Variants in RNPEPL1 observed in about 807,000 individuals in gnomAD.
The protein encoded by RNPEPL1 is arginyl aminopeptidase like 1.
A neutral mutation model predicts 69.0 loss-of-function variants in RNPEPL1; 46 were observed. The observed-to-expected ratio is 0.67, with a 90% CI of 0.53 to 0.85. RNPEPL1 has a LOEUF of 0.85. Among genes scored for constraint, RNPEPL1 ranks in the 40% least tolerant of loss-of-function variants. The pLI is 0.00. For synonymous variants in RNPEPL1, 525 were observed against 454.1 expected (o/e 1.16, Z -1.98); for missense variants, 869 against 992.5 (o/e 0.88, Z 1.67).
rs369726161 is a variant in RNPEPL1, at chr2:240,573,048, C to T, written c.670-62C>T. ...ATATGGGGCTGCCTGACAGGCTCCCCGGCCGGGGCTATGGGTGTGCTGACG... is the reference window on the plus strand; with the variant it reads ...ATATGGGGCTGCCTGACAGGCTCCCTGGCCGGGGCTATGGGTGTGCTGACG... On this transcript the variant is annotated intron_variant, in intron 2 of 10. Transcript: ENST00000270357. 3.2e-4 allele frequency: 482 copies of T among 1,485,562 alleles called. 1 individual carries two copies. Among genetic ancestry groups the T allele is most frequent in the African/African-American group, 2.7e-3 (197 of 71,676 alleles). The allele number at this position is 1,485,562 out of a possible 1,614,324, so 92.0% of individuals were successfully genotyped here.
Position 240,568,862 on chromosome 2 carries a change from C to T in RNPEPL1, c.276C>T (p.Arg92=). The part of the protein sequence containing the change: ...ALRLHSAAFR[R]APAAAAETPC... Reference sequence around the variant, plus strand: ...GCCTGCACTCAGCCGCCTTCCGTCGCGCCCCCGCCGCCGCCGCCGAGACGC... The same window carrying T: ...GCCTGCACTCAGCCGCCTTCCGTCGTGCCCCCGCCGCCGCCGCCGAGACGC... The change falls in exon 1 of 11, where the codon CGC becomes CGT. Residue 92 remains arginine, a synonymous_variant. Coordinates refer to ENST00000270357, the MANE Select transcript of RNPEPL1 (RefSeq NM_018226.6). This position sits in a 1 kb window ranked among gnomAD's most constrained non-coding sequence, Gnocchi z 6.2. 8.3e-7 allele frequency: 1 copy of T among 1,201,094 alleles called. No individual in the cohort carries two copies. Among genetic ancestry groups the T allele is most frequent in the Non-Finnish European group, 1.0e-6 (1 of 963,802 alleles). 74.4% of individuals were successfully genotyped at this position (1,201,094 alleles called of 1,614,324 possible).
chr2:240,578,124 G>T lies in RNPEPL1; in HGVS notation c.*232G>T, dbSNP rs976293477. 2.3e-6 allele frequency: 1 copy of T among 439,234 alleles called. No individual in the cohort carries two copies. The highest frequency in any genetic ancestry group is 4.0e-6 in the Non-Finnish European group (1 of 247,618). The allele number at this position is 439,234 out of a possible 1,614,324, so 27.2% of individuals were successfully genotyped here. On this transcript the variant is annotated 3_prime_UTR_variant, in exon 11 of 11. Coordinates refer to ENST00000270357, the MANE Select transcript of RNPEPL1 (RefSeq NM_018226.6). ...AGCTCTCTTGCACTGCAGGCCCTGGGGCCAGCCCGCACACACCATGCCTCC... is the reference window on the plus strand; with the variant it reads ...AGCTCTCTTGCACTGCAGGCCCTGGTGCCAGCCCGCACACACCATGCCTCC...
Position 240,574,303 on chromosome 2 carries a change from G to A in RNPEPL1, c.1129G>A (p.Gly377Ser). The change falls in exon 5 of 11, where the codon GGC becomes AGC. Residue 377 changes from glycine (G) to serine (S), a missense_variant. Gly to Ser is a moderately conservative substitution (Grantham distance 56). Coordinates refer to ENST00000270357, the MANE Select transcript of RNPEPL1 (RefSeq NM_018226.6). The stretch of plus-strand genomic sequence containing the variant: ...GTGGGAAGAGATGTGGCTGAGCGAG[G>A]GCCTGGCCACCTATGCCCAGCGCCG... ...ATWEEMWLSE[G>S]LATYAQRRIT... is the part of the protein sequence containing the mutation. 1 of 1,606,476 alleles carries A rather than the reference G, an allele frequency of 6.2e-7. No individual in the cohort carries two copies. Among genetic ancestry groups the A allele is most frequent in the Non-Finnish European group, 8.5e-7 (1 of 1,179,796 alleles).
chr2:240,578,219 G>A lies in RNPEPL1; in HGVS notation c.*327G>A. ...TGCCAGGTGCCGCCCCGGGGCAAGGGCCCCAGCAGCCCTATGGTGACCGCC... is the reference window on the plus strand; with the variant it reads ...TGCCAGGTGCCGCCCCGGGGCAAGGACCCCAGCAGCCCTATGGTGACCGCC... On this transcript the variant is annotated 3_prime_UTR_variant, in exon 11 of 11. Coordinates refer to ENST00000270357, the MANE Select transcript of RNPEPL1 (RefSeq NM_018226.6). 1 of 252,682 alleles carries A rather than the reference G, an allele frequency of 4.0e-6. No individual in the cohort carries two copies. 15.7% of individuals were successfully genotyped at this position (252,682 alleles called of 1,614,324 possible).
At chr2:240,569,226 C>G (rs1471050441) in intron 1 of RNPEPL1, 112 bp downstream of exon 1, 1 of 1,136,488 alleles carries the variant, frequency 8.8e-7, no homozygotes, top group Non-Finnish European at 1.1e-6. Context: ...CAGGTGCCCC[C>G]CTCCCCCCAC....
chr2:240,575,039 C>T lies in RNPEPL1; in HGVS notation c.1298C>T (p.Pro433Leu). Residue 433 changes from proline (P) to leucine (L), a missense_variant, in exon 7 of 11, where the codon CCC becomes CTC. Transcript: ENST00000270357. ...LQVKLEPGVN[P>L]SHLMNLFTYE... ...GGTGTTCACCTTGCAGGAGTGAATC[C>T]CAGCCACCTGATGAACCTGTTCACC... 1 of 1,613,498 alleles carries T rather than the reference C, an allele frequency of 6.2e-7. No individual in the cohort carries two copies. Among genetic ancestry groups the T allele is most frequent in the Admixed American group, 1.7e-5 (1 of 60,036 alleles).
At chr2:240,569,953 G>A (rs1041585131) in intron 1 of RNPEPL1, among the ~76,000 whole-genome samples, 1 of 152,344 alleles carries the variant, frequency 6.6e-6, no homozygotes, top group Non-Finnish European at 1.5e-5. Flanking sequence ...TGGGCAGGAA[G>A]AACCCAGACC....
At chr2:240,572,368 A>G (rs1271995481) in intron 1 of RNPEPL1, 55 bp from the exon 2 acceptor site, 1 of 1,524,088 alleles carries the variant, frequency 6.6e-7, no homozygotes, top group African/African-American at 1.4e-5. Context: ...CCCAGTGGCT[A>G]GGGCCCAGCA....
rs3997224 is a variant in RNPEPL1 at position 240,573,275 on chromosome 2, C to A, written c.821+14C>A. 3 of 1,549,282 alleles carry A rather than the reference C, an allele frequency of 1.9e-6. No homozygotes were observed. The highest frequency in any genetic ancestry group is 1.7e-6 in the Non-Finnish European group (2 of 1,146,772). On this transcript the variant is annotated intron_variant, in intron 3 of 10. Transcript: ENST00000270357. ...CATCGGGCCCAGGTAGGGCCTCCTGCTGGGGCCTTCTGGGGCTGCGCAGGC... is the reference window on the plus strand; with the variant it reads ...CATCGGGCCCAGGTAGGGCCTCCTGATGGGGCCTTCTGGGGCTGCGCAGGC...
chr2:240,574,360 G>T lies in RNPEPL1; in HGVS notation c.1174+12G>T. On this transcript the variant is annotated intron_variant, in intron 5 of 10. Coordinates refer to ENST00000270357, the MANE Select transcript of RNPEPL1 (RefSeq NM_018226.6). ...CACCGAGACCTACGGTGCGGCCAGG[G>T]CCGGGGAGGGCAGCCACGGGGGGCC... The T allele has an allele frequency of 6.3e-7, 1 of 1,591,716 alleles. No homozygotes were observed. Among genetic ancestry groups the T allele is most frequent in the Non-Finnish European group, 8.5e-7 (1 of 1,172,808 alleles).
Position 240,577,010 on chromosome 2 carries a change from G to A in RNPEPL1, c.1884+20G>A. 1 of 1,612,256 alleles carries A rather than the reference G, an allele frequency of 6.2e-7. No homozygotes were observed. Among genetic ancestry groups the A allele is most frequent in the African/African-American group, 1.3e-5 (1 of 75,050 alleles). On this transcript the variant is annotated intron_variant, in intron 10 of 10. Coordinates refer to ENST00000270357, the MANE Select transcript of RNPEPL1 (RefSeq NM_018226.6). ...AGCCAGGTGCGGTCACCTGCCCAGGGGGCCAGCCTGGAACGGCCTAGCCGT... is the reference window on the plus strand; with the variant it reads ...AGCCAGGTGCGGTCACCTGCCCAGGAGGCCAGCCTGGAACGGCCTAGCCGT...
Position 240,574,597 on chromosome 2 carries a change from G to T in RNPEPL1, c.1257G>T (p.Pro419=). Residue 419 remains proline, a synonymous_variant, in exon 6 of 11, where the codon CCG becomes CCT. Transcript: ENST00000270357. The part of the protein sequence containing the change: ...RQMKLLGEDS[P]VSKLQVKLEP... ...TGAAGCTTCTGGGAGAGGACAGCCC[G>T]GTCAGCAAACTGCAGGTCAAGCTGG... The T allele has an allele frequency of 6.2e-7, 1 of 1,612,860 alleles. No individual in the cohort carries two copies. The highest frequency in any genetic ancestry group is 8.5e-7 in the Non-Finnish European group (1 of 1,179,950).
chr2:240,574,926 GCGCTTGGCCCTTGC>G, intron 6 of RNPEPL1, 90 bp from the exon 7 acceptor site: 1 of 873,746 alleles, frequency 1.1e-6, no homozygotes, highest in Non-Finnish European at 1.9e-6. Context: ...AGGGACAGTG[GCGCTTGGCCCTTGC>G]TGCTCCTCGG....
intron 10 of RNPEPL1, 38 bp downstream of exon 10, chr2:240,577,028 C>T (rs887770095): frequency 1.9e-6 from 3 of 1,609,564 alleles, no homozygotes; most frequent in African/African-American, 2.7e-5. Flanking sequence ...CTGGAACGGC[C>T]TAGCCGTGCG....
chr2:240,575,124 CTT>C lies in RNPEPL1; in HGVS notation c.1385_1386del (p.Phe462Ter). 6.2e-7 allele frequency: 1 copy of C among 1,613,366 alleles called. No homozygotes were observed. The highest frequency in any genetic ancestry group is 8.5e-7 in the Non-Finnish European group (1 of 1,179,748). On this transcript the variant is annotated frameshift_variant, in exon 7 of 11. Coordinates refer to ENST00000270357, the MANE Select transcript of RNPEPL1 (RefSeq NM_018226.6). LOFTEE classifies it high-confidence loss of function. ...CCCAGCTCTGCGGAGACCCACAGCG[CTT>C]TGATGACTTTCTCCGAGTGAGCAGC... is the stretch of plus-strand genomic sequence containing the variant. ...LSQLCGDPQR[F>X]DDFLRAYVEK...
At chr2:240,577,037 C>G (rs76077520) in intron 10 of RNPEPL1, 47 bp downstream of exon 10, 1 of 1,605,756 alleles carries the variant, frequency 6.2e-7, no homozygotes, top group East Asian at 2.2e-5. Flanking sequence ...CCTAGCCGTG[C>G]GGACTGGGAG....
At chr2:240,570,066 T>C (rs60246364) in intron 1 of RNPEPL1, among the ~76,000 whole-genome samples, 11,909 of 152,276 alleles carry the variant, frequency 0.078, 582 homozygotes, top group Non-Finnish European at 0.11. Flanking sequence ...GGCCGCTGGC[T>C]AGCCGGCCCC....
In RNPEPL1 at chr2:240,573,728, G is replaced by A. The variant is rs373622534; in HGVS notation, c.822-47G>A. 946 of 1,439,212 alleles carry A rather than the reference G, an allele frequency of 6.6e-4. 1 individual carries two copies. The highest frequency in any genetic ancestry group is 2.5e-3 in the South Asian group (188 of 74,638). 89.2% of individuals were successfully genotyped at this position (1,439,212 alleles called of 1,614,324 possible). A position where few individuals can be genotyped will look rare whatever the true frequency, so the allele number is the denominator to read the frequency against. ...AGTGGGAGAGCCTGGTGGGGTGAGC[G>A]GGGCTGGGGCTGCTCGGCCTCAGCT... On this transcript the variant is annotated intron_variant, in intron 3 of 10. Coordinates refer to ENST00000270357, the MANE Select transcript of RNPEPL1 (RefSeq NM_018226.6).
At chr2:240,575,646 G>A (rs992834903) in intron 8 of RNPEPL1, 36 bp downstream of exon 8, 20 of 1,570,272 alleles carry the variant, frequency 1.3e-5, no homozygotes, top group East Asian at 2.2e-5. Flanking sequence ...CCAGGGAGCC[G>A]TGGGTATGAT....
Sources: allele counts gnomAD v4.1 joint callset (sites outside exome capture counted in the v4.1 genomes callset), GRCh38; gene constraint gnomAD v4.1.1; non-coding constraint Gnocchi (gnomAD v3.1); transcripts MANE v1.5; gene names NCBI Gene and HGNC (gene_info 2026-07-23, HGNC 2026-07-21).